Variants in ZFR2 observed in about 807,000 individuals in gnomAD.
The protein encoded by ZFR2 is zinc finger RNA binding protein 2.
In ZFR2, 104 loss-of-function variants were observed where a neutral mutation model predicts 105.7. The ratio of observed to expected loss-of-function variants is 0.98; its 90% CI spans 0.84 to 1.16. The LOEUF is 1.16. ZFR2 is among the 50% of genes most tolerant of loss of function. The probability of loss-of-function intolerance (pLI) is 0.00; values close to 1 mark genes in which losing one functional copy is unlikely to be tolerated. For synonymous variants in ZFR2, 634 were observed against 597.7 expected, an observed-to-expected ratio of 1.06 and a Z score of -0.89; for missense variants, 1,425 against 1,355.5, an observed-to-expected ratio of 1.05 and a Z score of -0.80.
chr19:3,826,751 A>T (rs757436), intron 6 of ZFR2, among the ~76,000 whole-genome samples: 93,398 of 151,546 alleles, frequency 0.62, 28,932 homozygotes, highest in East Asian at 0.7. Flanking sequence ...CCCAGACCTT[A>T]CTAAGGCCTC....
At position 3,814,559 on chromosome 19, in the gene ZFR2, G is replaced by A. The variant is rs1348702829; in HGVS notation, c.2104-601C>T. On this transcript the variant is annotated intron_variant, in intron 13 of 18. Transcript: ENST00000262961. ...CTCAGGGCCTCCCTGCTGCAAGGCA[G>A]CCCCCAGGGGGCTCCGTTGACATTA... 5.3e-5 allele frequency among the ~76,000 whole-genome samples: 8 copies of A among 152,284 alleles called. 1 individual carries two copies. In the East Asian group the frequency reaches 1.5e-3, roughly 29 times the overall value.
intron 1 of ZFR2, among the ~76,000 whole-genome samples, chr19:3,835,825 C>T (rs1395074514): frequency 6.7e-6 from 1 of 148,768 alleles, no homozygotes; most frequent in Non-Finnish European, 1.5e-5. Flanking sequence ...TGATAGTACA[C>T]GCCTGCAGTG....
In ZFR2 at chr19:3,813,388, T is replaced by C. The variant is rs557412681; in HGVS notation, c.2242+432A>G. ...TCTGGCTTTAAGACCCCCGATTCCC[T>C]ACATTCCTAATCAGTGGCACTGGGA... On this transcript the variant is annotated intron_variant, in intron 14 of 18. Coordinates refer to ENST00000262961, the MANE Select transcript of ZFR2 (RefSeq NM_015174.2). The surrounding 1 kb of genome is among the most constrained non-coding windows in gnomAD (Gnocchi z 4.4). 4.6e-5 allele frequency among the ~76,000 whole-genome samples: 7 copies of C among 152,188 alleles called. No individual in the cohort carries two copies. The highest frequency in any genetic ancestry group is 1.3e-4 in the Admixed American group (2 of 15,284).
intron 5 of ZFR2, 74 bp downstream of exon 5, chr19:3,831,229 G>A: frequency 7.0e-7 from 1 of 1,430,104 alleles, no homozygotes; most frequent in Non-Finnish European, 9.1e-7. Context: ...CACCCCACCG[G>A]CGCCCACATT....
chr19:3,863,375 G>C (rs2038394189), intron 1 of ZFR2, among the ~76,000 whole-genome samples: 1 of 152,172 alleles, frequency 6.6e-6, no homozygotes, highest in Non-Finnish European at 1.5e-5. Context: ...TACTTTCCCA[G>C]TGACACGGGG....
chr19:3,817,770 A>G (rs2037842515), intron 12 of ZFR2, among the ~76,000 whole-genome samples: 1 of 149,490 alleles, frequency 6.7e-6, no homozygotes, highest in African/African-American at 2.4e-5. Context: ...AAGAAAAAAA[A>G]AAAAAAAAAA....
chr19:3,852,595 G>C (rs181290764), intron 1 of ZFR2: 3 of 718,616 alleles, frequency 4.2e-6, no homozygotes, highest in Admixed American at 2.0e-5. Flanking sequence ...AGGGCCGGGG[G>C]AGTGGTCTCC....
intron 9 of ZFR2, 125 bp from the exon 10 acceptor site, chr19:3,821,604 CTTTTTTTTTTTT>C (rs56275505): frequency 5.8e-4 from 145 of 248,174 alleles, no homozygotes; most frequent in East Asian, 9.7e-4. Flanking sequence ...CTCCCAAAGC[CTTTTTTTTTTTT>C]TTTTTTTTTT....
intron 17 of ZFR2, among the ~76,000 whole-genome samples, chr19:3,808,340 G>C (rs569742334): frequency 3.3e-4 from 50 of 152,340 alleles, no homozygotes; most frequent in Admixed American, 2.8e-3. Context: ...CTTTTCACTT[G>C]CTATCATCCT....
At position 3,809,003 on chromosome 19, in the gene ZFR2, A is replaced by T; in HGVS notation, c.2434-20T>A. The T allele has an allele frequency of 6.6e-7, 1 of 1,524,922 alleles. No homozygotes were observed. The highest frequency in any genetic ancestry group is 8.8e-7 in the Non-Finnish European group (1 of 1,138,250). 94.5% of individuals were successfully genotyped at this position (1,524,922 alleles called of 1,614,324 possible). ...CATGGCCTGGTGGGGACAGAAGAGC[A>T]GTTGCTGTGTTTTGGGCGCGCGGCA... On this transcript the variant is annotated intron_variant, in intron 16 of 18. Transcript: ENST00000262961.
At chr19:3,849,975 G>C (rs1235082070) in intron 1 of ZFR2, among the ~76,000 whole-genome samples, 4 of 152,174 alleles carry the variant, frequency 2.6e-5, no homozygotes, top group Admixed American at 2.6e-4. Flanking sequence ...GCTGTGAGCA[G>C]ACTGAGGACC....
At chr19:3,820,476 TG>T (rs989033323) in intron 10 of ZFR2, among the ~76,000 whole-genome samples, 186 bp from the exon 11 acceptor site, 30 of 152,236 alleles carry the variant, frequency 2.0e-4, no homozygotes, top group African/African-American at 7.2e-4. Flanking sequence ...AAGGCTGGTG[TG>T]GGGGGCAGCC....
At chr19:3,868,202 AC>A (rs150394264) in intron 1 of ZFR2, among the ~76,000 whole-genome samples, 2,119 of 134,760 alleles carry the variant, frequency 0.016, 44 homozygotes, top group African/African-American at 0.057. Flanking sequence ...CTTCTCTCTT[AC>A]CCCCATCAGG....
rs577219515 is a variant in ZFR2 at position 3,833,929 on chromosome 19, G to A, written c.265-151C>T. Among the ~76,000 whole-genome samples, 1,394 of 152,214 alleles carry A rather than the reference G, an allele frequency of 9.2e-3. 22 individuals are homozygous for A. Among genetic ancestry groups the A allele is most frequent in the African/African-American group, 0.032 (1,325 of 41,544 alleles). ...TCTGCCCAGGACCAGGCCCTGGCCC[G>A]GAGGCAGGGGGCAGGGGGCAGGGGG... On this transcript the variant is annotated intron_variant, in intron 2 of 18. Transcript: ENST00000262961.
intron 1 of ZFR2, among the ~76,000 whole-genome samples, chr19:3,867,894 G>C (rs534872532): frequency 6.6e-6 from 1 of 150,926 alleles, no homozygotes; most frequent in African/African-American, 2.4e-5. Context: ...CCCACCCCAG[G>C]TCTCTGCCCC....
intron 1 of ZFR2, among the ~76,000 whole-genome samples, chr19:3,863,295 G>T (rs1041627794): frequency 6.6e-6 from 1 of 152,180 alleles, no homozygotes; most frequent in Non-Finnish European, 1.5e-5. Flanking sequence ...GGTCAGCATG[G>T]GCTCCGGGCC....
chr19:3,823,385 G>A lies in ZFR2; in HGVS notation c.1232C>T (p.Ala411Val). 6.2e-7 allele frequency: 1 copy of A among 1,611,272 alleles called. No homozygotes were observed. Among genetic ancestry groups the A allele is most frequent in the South Asian group, 1.1e-5 (1 of 90,940 alleles). ...ALCEGPPEPQAAGCRPQWGKP... is the reference protein window; with the variant it reads ...ALCEGPPEPQVAGCRPQWGKP... ...CCCCCACTGGGGTCTGCAGCCTGCT[G>A]CCTGTGGCTCAGGAGGCCCTGAGGG... The change falls in exon 8 of 19, where the codon GCA becomes GTA. Residue 411 changes from alanine to valine, a missense_variant. By Grantham distance (64) the Ala-to-Val change is moderately conservative. Coordinates refer to ENST00000262961, the MANE Select transcript of ZFR2 (RefSeq NM_015174.2). This position sits in a 1 kb window ranked among gnomAD's most constrained non-coding sequence, Gnocchi z 5.4.
chr19:3,820,115 G>T, intron 11 of ZFR2, 67 bp downstream of exon 11: 1 of 1,482,142 alleles, frequency 6.7e-7, no homozygotes, highest in Non-Finnish European at 9.2e-7. Flanking sequence ...GTCCTCCCGA[G>T]GAGGTGTCCG....
Position 3,810,846 on chromosome 19 carries a change from C to T in ZFR2, c.2338-1G>A, listed in dbSNP as rs1375302717. On this transcript the variant is annotated splice_acceptor_variant, in intron 15 of 18. Transcript: ENST00000262961. LOFTEE classifies it high-confidence loss of function. Reference sequence around the variant, plus strand: ...ATGGCTGCAGGCCGCTGGCTCGAGCCTTCGGGGGAGAAGCACACGGTTAGC... The same window carrying T: ...ATGGCTGCAGGCCGCTGGCTCGAGCTTTCGGGGGAGAAGCACACGGTTAGC... 3.9e-6 allele frequency: 6 copies of T among 1,549,982 alleles called. No homozygotes were observed. The highest frequency in any genetic ancestry group is 5.2e-6 in the Non-Finnish European group (6 of 1,146,670).
Sources: gnomAD v4.1 joint callset for allele counts (sites outside exome capture counted in the v4.1 genomes callset) on GRCh38, gnomAD v4.1.1 for gene constraint, Gnocchi (gnomAD v3.1) non-coding constraint, MANE v1.5 for transcripts, NCBI Gene and HGNC (gene_info 2026-07-23, HGNC 2026-07-21) for gene names.